Variants in FLI1 observed in about 807,000 individuals in gnomAD.
The protein encoded by FLI1 is Fli-1 proto-oncogene, ETS transcription factor, also known as Friend leukemia integration 1 transcription factor.
FLI1 carries 13 observed loss-of-function variants against 53.1 expected under a neutral mutation model. The observed-to-expected ratio is 0.24, with a 90% CI of 0.16 to 0.39. The LOEUF (loss-of-function observed/expected upper bound fraction) is 0.39, where lower values mean the gene tolerates loss of function less well. Ranked by LOEUF, FLI1 falls within the 10% of genes least tolerant of loss-of-function variation. The probability of loss-of-function intolerance (pLI) is 1.00; values close to 1 mark genes in which losing one functional copy is unlikely to be tolerated. For synonymous variants in FLI1, 244 were observed against 236.7 expected (o/e 1.03, Z -0.28); for missense variants, 424 against 600.5 (o/e 0.71, Z 3.07).
upstream of FLI1, chr11:128,686,212 A>G (rs1257608236): frequency 2.6e-6 from 1 of 381,578 alleles, no homozygotes; most frequent in African/African-American, 2.1e-5. Flanking sequence ...AGCCTGCAAG[A>G]AAGGGGAGTC....
intron 5 of FLI1, among the ~76,000 whole-genome samples, chr11:128,783,803 C>T (rs1003414122): frequency 2.0e-5 from 3 of 152,070 alleles, no homozygotes; most frequent in African/African-American, 4.8e-5. Flanking sequence ...ACTCACATTG[C>T]GAGGGCTCAA....
At chr11:128,794,261 T>TG (rs960748450) in intron 5 of FLI1, among the ~76,000 whole-genome samples, 1 of 152,040 alleles carries the variant, frequency 6.6e-6, no homozygotes, top group Non-Finnish European at 1.5e-5. Context: ...CAAAATACTT[T>TG]GGGAAAAAAA....
chr11:128,791,490 A>G (rs949655143), intron 5 of FLI1, among the ~76,000 whole-genome samples: 1 of 152,166 alleles, frequency 6.6e-6, no homozygotes, highest in Non-Finnish European at 1.5e-5. Flanking sequence ...ACAGCATTCA[A>G]TAGATTCTAG....
At chr11:128,738,092 T>G (rs940409886) in intron 1 of FLI1, among the ~76,000 whole-genome samples, 1 of 152,176 alleles carries the variant, frequency 6.6e-6, no homozygotes, top group Admixed American at 6.5e-5. Flanking sequence ...AGTATAATTT[T>G]AGAAGAATGA....
At chr11:128,709,597 C>G (rs997403023) in intron 1 of FLI1, among the ~76,000 whole-genome samples, 1 of 152,156 alleles carries the variant, frequency 6.6e-6, no homozygotes, top group Non-Finnish European at 1.5e-5. Flanking sequence ...AAACCGATGG[C>G]AGGATATGAG....
In FLI1 at chr11:128,778,949, G is replaced by A. The variant is rs567247555; in HGVS notation, c.590-3009G>A. On this transcript the variant is annotated intron_variant, in intron 4 of 8. Transcript: ENST00000527786. ...AGGAGGGAATCTAGGTCCCTTGGGA[G>A]AGAGGCCAGATGCCCCCAACCAGCC... 4.2e-4 allele frequency among the ~76,000 whole-genome samples: 62 copies of A among 147,364 alleles called. 1 individual carries two copies. The highest frequency in any genetic ancestry group is 1.6e-3 in the African/African-American group (59 of 37,494).
At chr11:128,750,763 A>G (rs1940610003) in intron 1 of FLI1, among the ~76,000 whole-genome samples, 1 of 152,278 alleles carries the variant, frequency 6.6e-6, no homozygotes, top group Non-Finnish European at 1.5e-5. Context: ...TAATCTAAGG[A>G]AAACAAATGT....
At chr11:128,774,286 G>A (rs559691512) in intron 4 of FLI1, among the ~76,000 whole-genome samples, 18 of 152,298 alleles carry the variant, frequency 1.2e-4, no homozygotes, top group African/African-American at 9.6e-5. Context: ...GTGCGAGAAA[G>A]TAGATGATGC....
chr11:128,773,044 G>A, intron 4 of FLI1, 59 bp downstream of exon 4: 2 of 1,509,434 alleles, frequency 1.3e-6, no homozygotes, highest in South Asian at 2.3e-5. Flanking sequence ...CCAACCCAGG[G>A]AGAGGAAGTC....
At chr11:128,699,208 G>C (rs903860633) in intron 1 of FLI1, among the ~76,000 whole-genome samples, 3 of 151,988 alleles carry the variant, frequency 2.0e-5, no homozygotes, top group African/African-American at 7.3e-5. Context: ...TTTCTGTTTG[G>C]GGTTAAACAG....
intron 1 of FLI1, among the ~76,000 whole-genome samples, chr11:128,741,360 T>C (rs1020212284): frequency 3.9e-5 from 6 of 152,138 alleles, no homozygotes; most frequent in Non-Finnish European, 5.9e-5. Flanking sequence ...GCCAGTGCAC[T>C]CCAGCCTGGG....
At chr11:128,741,514 T>G (rs1591770264) in intron 1 of FLI1, among the ~76,000 whole-genome samples, 1 of 152,354 alleles carries the variant, frequency 6.6e-6, no homozygotes, top group African/African-American at 2.4e-5. Flanking sequence ...CTCTCCCGCC[T>G]TTCCAGAGGA....
At chr11:128,745,253 C>T (rs1389355433) in intron 1 of FLI1, among the ~76,000 whole-genome samples, 2 of 151,898 alleles carry the variant, frequency 1.3e-5, no homozygotes, top group Non-Finnish European at 2.9e-5. Flanking sequence ...TTGAAGGTGA[C>T]AGAGGGAAAA....
chr11:128,694,845 CCT>C (rs1044505082), intron 1 of FLI1, among the ~76,000 whole-genome samples: 1 of 152,136 alleles, frequency 6.6e-6, no homozygotes, highest in African/African-American at 2.4e-5. Flanking sequence ...GATGGAAGCC[CCT>C]GTTTACATGT....
At chr11:128,801,037 C>G (rs149662353) in intron 5 of FLI1, among the ~76,000 whole-genome samples, 1 of 152,250 alleles carries the variant, frequency 6.6e-6, no homozygotes, top group Non-Finnish European at 1.5e-5. Flanking sequence ...ACCACAGAAA[C>G]AGACCAAGAT....
At chr11:128,725,715 G>T (rs1301344273) in intron 1 of FLI1, among the ~76,000 whole-genome samples, 1 of 151,666 alleles carries the variant, frequency 6.6e-6, no homozygotes, top group African/African-American at 2.4e-5. Flanking sequence ...CTCAGGGCTG[G>T]TGGTTTCAAA....
At chr11:128,807,470 A>G (rs565831723) in intron 7 of FLI1, among the ~76,000 whole-genome samples, 1 of 152,346 alleles carries the variant, frequency 6.6e-6, no homozygotes, top group African/African-American at 2.4e-5. Flanking sequence ...AACTATTCCA[A>G]TGCTTTATTT....
chr11:128,782,049 A>G (rs1290534211), intron 5 of FLI1, 26 bp downstream of exon 5: 2 of 1,592,774 alleles, frequency 1.3e-6, no homozygotes, highest in South Asian at 2.2e-5. Context: ...TGTGCACTTA[A>G]AATTTTCTTC....
chr11:128,778,460 T>G lies in FLI1; in HGVS notation c.590-3498T>G, dbSNP rs187021264. ...ACGATTTAGCCTGGAGGCAGTGGGA[T>G]CTGCCAGATTGAGGACAGGTTTTGT... On this transcript the variant is annotated intron_variant, in intron 4 of 8. Transcript: ENST00000527786. 3.6e-3 allele frequency among the ~76,000 whole-genome samples: 541 copies of G among 152,324 alleles called. 2 individuals carry two copies. The highest frequency in any genetic ancestry group is 0.013 in the African/African-American group (524 of 41,560).
Sources: allele counts gnomAD v4.1 joint callset (sites outside exome capture counted in the v4.1 genomes callset), GRCh38; gene constraint gnomAD v4.1.1; transcripts MANE v1.5; gene names NCBI Gene and HGNC (gene_info 2026-07-23, HGNC 2026-07-21).